Variants in FRY observed in about 807,000 individuals in gnomAD.
FRY encodes the protein FRY microtubule binding protein, also known as protein furry homolog.
In FRY, 128 loss-of-function variants were observed where a neutral mutation model predicts 348.4. The observed-to-expected ratio is 0.37, with a 90% CI of 0.32 to 0.43. FRY has a LOEUF of 0.43. Among genes scored for constraint, FRY ranks in the 20% least tolerant of loss-of-function variants. The pLI, the probability that FRY is intolerant of heterozygous loss-of-function variation, is 1.00. For missense variants in FRY, 2,736 were observed against 3,695.2 expected (o/e 0.74, Z 6.73); for synonymous variants, 1,370 against 1,374.7 (o/e 1.00, Z 0.08).
intron 7 of FRY, 127 bp from the exon 8 acceptor site, chr13:32,131,544 TG>T: frequency 1.4e-6 from 1 of 694,920 alleles, no homozygotes; most frequent in Non-Finnish European, 2.5e-6. Context: ...TACAAAATCA[TG>T]GCTGTTGTAC....
chr13:32,238,789 ATTCAT>A (rs1252011853), intron 44 of FRY, among the ~76,000 whole-genome samples: 1 of 152,196 alleles, frequency 6.6e-6, no homozygotes, highest in Non-Finnish European at 1.5e-5. Context: ...GTGACCCAGA[ATTCAT>A]TTCATGAAGC....
chr13:32,220,805 T>C (rs963582730), intron 36 of FRY, among the ~76,000 whole-genome samples: 1 of 152,254 alleles, frequency 6.6e-6, no homozygotes, highest in Non-Finnish European at 1.5e-5. Flanking sequence ...TGTTTCCCTT[T>C]CAAGTTTTAT....
chr13:32,150,059 C>T (rs571542684), intron 14 of FRY, among the ~76,000 whole-genome samples: 32 of 152,280 alleles, frequency 2.1e-4, no homozygotes, highest in African/African-American at 7.5e-4. Context: ...CTACCATATT[C>T]TGTTCTTGTA....
intron 26 of FRY, among the ~76,000 whole-genome samples, chr13:32,185,533 A>C (rs996829278): frequency 6.6e-6 from 1 of 152,080 alleles, no homozygotes; most frequent in Non-Finnish European, 1.5e-5. Flanking sequence ...CTTCTCTCTG[A>C]CTCTACCCTA....
At chr13:32,112,305 G>A (rs948491488) in intron 3 of FRY, among the ~76,000 whole-genome samples, 1 of 151,936 alleles carries the variant, frequency 6.6e-6, no homozygotes, top group Admixed American at 6.6e-5. Flanking sequence ...ACACATTTTG[G>A]AAGGTTTATT....
At chr13:32,040,450 A>G (rs1413696742) in intron 1 of FRY, among the ~76,000 whole-genome samples, 6 of 152,194 alleles carry the variant, frequency 3.9e-5, no homozygotes, top group African/African-American at 1.4e-4. Flanking sequence ...AAACATCATG[A>G]TATTCATCAG....
At position 32,259,426 on chromosome 13, in the gene FRY, A is replaced by T. The variant is rs117671040; in HGVS notation, c.7417-2190A>T. Among the ~76,000 whole-genome samples the T allele has an allele frequency of 1.5e-4, 23 of 152,216 alleles. 1 individual carries two copies. The East Asian group carries it at 4.3e-3, about 28-fold the overall frequency. On this transcript the variant is annotated intron_variant, in intron 51 of 60. Transcript: ENST00000542859. ...GCTTTCCCTGCCTCCCTATTTTCAC[A>T]CCTGATTGATTCAGGTCTTCACCAG...
intron 3 of FRY, among the ~76,000 whole-genome samples, chr13:32,111,754 G>A (rs1429464541): frequency 6.6e-6 from 1 of 152,062 alleles, no homozygotes; most frequent in Non-Finnish European, 1.5e-5. Context: ...ACTTATATTT[G>A]GACTCAACAC....
chr13:32,235,117 C>G (rs934451408), intron 42 of FRY, among the ~76,000 whole-genome samples: 1 of 152,156 alleles, frequency 6.6e-6, no homozygotes, highest in Non-Finnish European at 1.5e-5. Context: ...TACAGTCTCC[C>G]TACCCAGAGC....
intron 51 of FRY, among the ~76,000 whole-genome samples, chr13:32,256,250 C>G (rs1887330859): frequency 6.6e-6 from 1 of 151,968 alleles, no homozygotes; most frequent in Non-Finnish European, 1.5e-5. Flanking sequence ...TTATAAGAAA[C>G]TGGCTGGGCA....
At chr13:32,074,105 A>G (rs191983232) in intron 1 of FRY, among the ~76,000 whole-genome samples, 42 of 152,334 alleles carry the variant, frequency 2.8e-4, no homozygotes, top group African/African-American at 9.4e-4. Flanking sequence ...TCCGAAATAG[A>G]TTTAATAAAC....
At chr13:32,138,719 T>C (rs751952285) in intron 11 of FRY, among the ~76,000 whole-genome samples, 2 of 152,164 alleles carry the variant, frequency 1.3e-5, no homozygotes, top group Non-Finnish European at 1.5e-5. Context: ...CAGGGACTTA[T>C]GTAGTGTCCA....
chr13:32,144,034 T>C (rs1880244108), intron 11 of FRY, among the ~76,000 whole-genome samples: 1 of 152,106 alleles, frequency 6.6e-6, no homozygotes, highest in Non-Finnish European at 1.5e-5. Context: ...TTAACCACCA[T>C]GTAAGTACAC....
At chr13:32,262,276 C>T (rs1367672943) in intron 52 of FRY, 38 bp from the exon 53 acceptor site, 1 of 1,553,738 alleles carries the variant, frequency 6.4e-7, no homozygotes, top group Admixed American at 1.7e-5. Context: ...AGAATGGGAA[C>T]TTCATACTAT....
At chr13:32,185,753 C>G (rs1033950837) in intron 26 of FRY, among the ~76,000 whole-genome samples, 1 of 152,290 alleles carries the variant, frequency 6.6e-6, no homozygotes, top group South Asian at 2.1e-4. Flanking sequence ...CCCTTATCAA[C>G]TAATATTTCC....
intron 46 of FRY, among the ~76,000 whole-genome samples, chr13:32,243,272 A>G (rs1007245704): frequency 7.2e-5 from 11 of 152,174 alleles, no homozygotes; most frequent in Non-Finnish European, 1.5e-4. Context: ...ATGACGTTTC[A>G]TTATACAGTT....
At chr13:32,105,528 T>C (rs1388474385) in intron 3 of FRY, among the ~76,000 whole-genome samples, 5 of 152,206 alleles carry the variant, frequency 3.3e-5, no homozygotes, top group African/African-American at 1.2e-4. Flanking sequence ...CAAGGTCTCT[T>C]AGTCCTTTGG....
At chr13:32,035,379 A>C (rs1422786127) in intron 1 of FRY, among the ~76,000 whole-genome samples, 1 of 152,138 alleles carries the variant, frequency 6.6e-6, no homozygotes, top group Admixed American at 6.5e-5. Context: ...AAAATATCCC[A>C]CTTACCCTAA....
intron 55 of FRY, among the ~76,000 whole-genome samples, chr13:32,274,453 A>G (rs914156319): frequency 9.2e-5 from 14 of 152,060 alleles, no homozygotes; most frequent in African/African-American, 2.9e-4. Context: ...CACACCTGTA[A>G]TCCCAGCACT....
Sources: gnomAD v4.1 joint callset for allele counts (sites outside exome capture counted in the v4.1 genomes callset) on GRCh38, gnomAD v4.1.1 for gene constraint, MANE v1.5 for transcripts, NCBI Gene and HGNC (gene_info 2026-07-23, HGNC 2026-07-21) for gene names.